Variants in MCF2L observed in about 807,000 individuals in gnomAD.
MCF2L encodes the protein guanine nucleotide exchange factor DBS.
MCF2L carries 97 observed loss-of-function variants against 153.4 expected under a neutral mutation model. The ratio of observed to expected loss-of-function variants is 0.63; its 90% CI spans 0.54 to 0.75. MCF2L has a LOEUF of 0.75. MCF2L is among the 30% of genes least tolerant of loss of function. The pLI is 0.00. For synonymous variants in MCF2L, 659 were observed against 632.2 expected, an observed-to-expected ratio of 1.04 and a Z score of -0.64; for missense variants, 1,347 against 1,495.2, an observed-to-expected ratio of 0.90 and a Z score of 1.64.
chr13:112,996,906 C>T (rs771232944), intron 1 of MCF2L, among the ~76,000 whole-genome samples: 5 of 152,234 alleles, frequency 3.3e-5, no homozygotes, highest in Non-Finnish European at 5.9e-5. Flanking sequence ...CTTCACCACC[C>T]CCATGAAACT....
chr13:113,007,375 G>A (rs919864061), intron 1 of MCF2L, among the ~76,000 whole-genome samples: 2 of 152,230 alleles, frequency 1.3e-5, no homozygotes, highest in Admixed American at 1.3e-4. Flanking sequence ...AACAGCGGGG[G>A]TCTAACCCCT....
intron 1 of MCF2L, among the ~76,000 whole-genome samples, chr13:112,982,591 G>A (rs781775947): frequency 3.3e-5 from 5 of 152,200 alleles, no homozygotes; most frequent in Non-Finnish European, 7.3e-5. Flanking sequence ...CCCTCATTGT[G>A]TCTGGTGGGA....
chr13:112,904,106 TG>T lies in MCF2L; in HGVS notation c.169+1739del, dbSNP rs1231319799. 2.0e-5 allele frequency among the ~76,000 whole-genome samples: 3 copies of T among 147,616 alleles called. No individual in the cohort carries two copies. The highest frequency in any genetic ancestry group is 1.4e-4 in the Admixed American group (2 of 14,672). On this transcript the variant is annotated intron_variant, in intron 2 of 29. Transcript: ENST00000375608. This position sits in a 1 kb window ranked among gnomAD's most constrained non-coding sequence, Gnocchi z 4.2. ...GCCCAAGTCTCGCGTGGACCAGCTCTGGGGACTGAGGAGCTGGCCGCGGTTA... is the reference window on the plus strand; with the variant it reads ...GCCCAAGTCTCGCGTGGACCAGCTCTGGGACTGAGGAGCTGGCCGCGGTTA...
intron 1 of MCF2L, among the ~76,000 whole-genome samples, chr13:112,971,839 T>G (rs116022970): frequency 0.011 from 1,719 of 152,334 alleles, 34 homozygotes; most frequent in African/African-American, 0.04. Flanking sequence ...CTGTTTTGGT[T>G]TTCTCTTTGG....
At chr13:113,026,011 T>G (rs112623457) in intron 3 of MCF2L, among the ~76,000 whole-genome samples, 1 of 64,714 alleles carries the variant, frequency 1.5e-5, no homozygotes, top group African/African-American at 5.7e-5. Flanking sequence ...GGTTTCATCA[T>G]GGTGGGGTCC....
chr13:112,938,882 G>T (rs548897191), intron 2 of MCF2L, among the ~76,000 whole-genome samples: 1 of 152,038 alleles, frequency 6.6e-6, no homozygotes, highest in African/African-American at 2.4e-5. Context: ...GGGAGGTCTT[G>T]GGTTGGAGGC....
chr13:112,989,035 C>T (rs375326419), intron 1 of MCF2L, among the ~76,000 whole-genome samples: 3 of 112,346 alleles, frequency 2.7e-5, no homozygotes, highest in African/African-American at 1.0e-4. Flanking sequence ...CTACCACGCC[C>T]AAGTCCTCCC....
intron 2 of MCF2L, among the ~76,000 whole-genome samples, chr13:112,961,793 C>G (rs931265611): frequency 6.6e-6 from 1 of 152,202 alleles, no homozygotes; most frequent in Non-Finnish European, 1.5e-5. Context: ...GAGTCCTCGC[C>G]CCAGCCCAGG....
chr13:112,911,982 A>C (rs1458450396), intron 2 of MCF2L, among the ~76,000 whole-genome samples: 1 of 152,210 alleles, frequency 6.6e-6, no homozygotes, highest in African/African-American at 2.4e-5. Flanking sequence ...AATTCTTTTT[A>C]AAAAGAAAAA....
At chr13:112,930,077 CAG>C (rs1377461471) in intron 2 of MCF2L, among the ~76,000 whole-genome samples, 2 of 152,164 alleles carry the variant, frequency 1.3e-5, no homozygotes, top group African/African-American at 2.4e-5. Context: ...GGCGAGGACA[CAG>C]GGCATGGGGA....
At chr13:113,051,049 G>A (rs906165985) in intron 4 of MCF2L, among the ~76,000 whole-genome samples, 2 of 152,110 alleles carry the variant, frequency 1.3e-5, no homozygotes, top group East Asian at 1.9e-4. Context: ...AGCTCTTCCC[G>A]GTGTGGCTGA....
At chr13:113,008,037 T>C (rs2317139) in intron 1 of MCF2L, among the ~76,000 whole-genome samples, 149,180 of 152,038 alleles carry the variant, frequency 0.98, 73,226 homozygotes, top group Non-Finnish European at 1. Context: ...CAGCCTCAGC[T>C]TCCTGAGTAC....
chr13:113,066,210 T>A, intron 8 of MCF2L, 40 bp downstream of exon 8: 1 of 1,557,016 alleles, frequency 6.4e-7, no homozygotes, highest in Non-Finnish European at 8.7e-7. Flanking sequence ...CCTGTCCCAG[T>A]CCATGGCAGG....
intron 8 of MCF2L, among the ~76,000 whole-genome samples, 189 bp from the exon 9 acceptor site, chr13:113,069,870 C>G (rs2032699521): frequency 6.6e-6 from 1 of 152,216 alleles, no homozygotes; most frequent in Non-Finnish European, 1.5e-5. Context: ...GGGCCTCCCT[C>G]CCATGCTGAC....
At position 113,096,379 on chromosome 13, in the gene MCF2L, T is replaced by G; in HGVS notation, c.3084T>G (p.Gly1028=). The change falls in exon 28 of 30, where the codon GGT becomes GGG. Residue 1028 remains glycine (G), a synonymous_variant. Transcript: ENST00000535094. ...TGCCCGTCTCCCACCAGGTTCCAGGTAAATACACGGTCGTGGCGGACCACG... is the reference window on the plus strand; with the variant it reads ...TGCCCGTCTCCCACCAGGTTCCAGGGAAATACACGGTCGTGGCGGACCACG... ...GGLGPKKLVP[G]KYTVVADHEK... is the part of the protein sequence containing the mutation. 6.3e-7 allele frequency: 1 copy of G among 1,578,400 alleles called. No individual in the cohort carries two copies. Among genetic ancestry groups the G allele is most frequent in the Non-Finnish European group, 8.6e-7 (1 of 1,163,240 alleles).
At chr13:113,078,776 C>T (rs746799054) in intron 15 of MCF2L, 37 bp downstream of exon 15, 13 of 1,547,718 alleles carry the variant, frequency 8.4e-6, no homozygotes, top group African/African-American at 1.4e-5. Flanking sequence ...CAGGGGCCCT[C>T]CGACCGCAGC....
chr13:112,908,133 T>C (rs2081190957), intron 2 of MCF2L, among the ~76,000 whole-genome samples: 1 of 152,202 alleles, frequency 6.6e-6, no homozygotes, highest in Non-Finnish European at 1.5e-5. Flanking sequence ...TGGTTAATGT[T>C]GGAAGCATGG....
chr13:112,919,912 A>G (rs1257911713), intron 2 of MCF2L, among the ~76,000 whole-genome samples: 2 of 152,194 alleles, frequency 1.3e-5, no homozygotes, highest in African/African-American at 2.4e-5. Context: ...CTTCCCTCAA[A>G]TATCAAGGCA....
intron 1 of MCF2L, among the ~76,000 whole-genome samples, chr13:112,999,568 C>A (rs1473806131): frequency 6.6e-6 from 1 of 152,230 alleles, no homozygotes; most frequent in African/African-American, 2.4e-5. Flanking sequence ...ACGTCCCAGC[C>A]CTCCGTGTCC....
Sources: allele counts gnomAD v4.1 joint callset (sites outside exome capture counted in the v4.1 genomes callset), GRCh38; gene constraint gnomAD v4.1.1; non-coding constraint Gnocchi (gnomAD v3.1); transcripts MANE v1.5; gene names NCBI Gene and HGNC (gene_info 2026-07-23, HGNC 2026-07-21).